The following ZNF532 variants were observed in gnomAD, a reference collection of about 807,000 sequenced individuals.
The protein encoded by ZNF532 is zinc finger protein 532.
In ZNF532, 22 loss-of-function variants were observed where a neutral mutation model predicts 89.3. The observed-to-expected ratio is 0.25, with a 90% CI of 0.18 to 0.35. The LOEUF (loss-of-function observed/expected upper bound fraction) is 0.35. ZNF532 is among the 10% of genes least tolerant of loss of function. The pLI is 1.00. For synonymous variants in ZNF532, 606 were observed against 649.6 expected, an observed-to-expected ratio of 0.93 and a Z score of 1.02; for missense variants, 1,132 against 1,643.4, an observed-to-expected ratio of 0.69 and a Z score of 5.38.
At chr18:58,887,573 T>C (rs926280389) in intron 2 of ZNF532, among the ~76,000 whole-genome samples, 20 of 152,158 alleles carry the variant, frequency 1.3e-4, no homozygotes, top group Non-Finnish European at 2.6e-4. Context: ...TTGGGGTCAG[T>C]TGGGTGGTCT....
At chr18:58,946,058 A>G (rs1396173393) in intron 5 of ZNF532, among the ~76,000 whole-genome samples, 1 of 152,114 alleles carries the variant, frequency 6.6e-6, no homozygotes, top group African/African-American at 2.4e-5. Context: ...CAATTGTCCT[A>G]TGCCAATTAC....
intron 7 of ZNF532, among the ~76,000 whole-genome samples, chr18:58,966,597 T>C (rs1233690123): frequency 6.6e-6 from 1 of 152,132 alleles, no homozygotes; most frequent in East Asian, 1.9e-4. Flanking sequence ...TTTCTAAAAT[T>C]TACTGATTAT....
intron 2 of ZNF532, among the ~76,000 whole-genome samples, chr18:58,893,356 C>A (rs1169603116): frequency 6.6e-6 from 1 of 152,144 alleles, no homozygotes; most frequent in Non-Finnish European, 1.5e-5. Flanking sequence ...TAATAGTTTG[C>A]TTTAGAAATG....
intron 5 of ZNF532, among the ~76,000 whole-genome samples, chr18:58,942,117 A>G (rs1205940710): frequency 3.7e-4 from 54 of 146,638 alleles, no homozygotes; most frequent in Non-Finnish European, 6.6e-4. Context: ...CCACCTCCCG[A>G]GTTCAAGCCA....
chr18:58,926,761 A>G (rs969315536), intron 3 of ZNF532, among the ~76,000 whole-genome samples: 2 of 152,106 alleles, frequency 1.3e-5, no homozygotes, highest in Non-Finnish European at 2.9e-5. Context: ...TAATTTTTAT[A>G]TATTTTTTGT....
chr18:58,916,500 C>T (rs1033725405), intron 2 of ZNF532, among the ~76,000 whole-genome samples: 2 of 152,112 alleles, frequency 1.3e-5, no homozygotes, highest in Non-Finnish European at 2.9e-5. Flanking sequence ...CCTCTGTTTC[C>T]GCAGGCGCCC....
Position 58,918,807 on chromosome 18 carries a change from G to T in ZNF532, c.520G>T (p.Asp174Tyr). ...LTGSAPQQDY[D>Y]KLKALGGENS... ...GGGGTCGGCTCCCCAGCAGGACTAC[G>T]ATAAGCTGAAGGCACTCGGAGGGGA... is the stretch of plus-strand genomic sequence containing the variant. Residue 174 changes from aspartate to tyrosine, a missense_variant, in exon 3 of 10, where the codon GAT becomes TAT. By Grantham distance (160) the Asp-to-Tyr change is radical. Transcript: ENST00000591808. 2 of 1,614,160 alleles carry T rather than the reference G, an allele frequency of 1.2e-6. No homozygotes were observed. The highest frequency in any genetic ancestry group is 1.1e-5 in the South Asian group (1 of 91,082).
At chr18:58,933,667 T>C (rs1011344142) in intron 3 of ZNF532, among the ~76,000 whole-genome samples, 1 of 152,310 alleles carries the variant, frequency 6.6e-6, no homozygotes, top group Middle Eastern at 3.4e-3. Flanking sequence ...TTTAAAAATA[T>C]ACCATGTTTA....
At chr18:58,912,857 C>T (rs1220398146) in intron 2 of ZNF532, among the ~76,000 whole-genome samples, 1 of 152,036 alleles carries the variant, frequency 6.6e-6, no homozygotes, top group Non-Finnish European at 1.5e-5. Context: ...TCTCTCCCAC[C>T]CCTGCCTGCA....
At chr18:58,917,716 A>T (rs1485502789) in intron 2 of ZNF532, among the ~76,000 whole-genome samples, 60 of 150,454 alleles carry the variant, frequency 4.0e-4, no homozygotes, top group East Asian at 9.7e-4. Flanking sequence ...TTTTTTTTTT[A>T]AAAAGTCCCA....
chr18:58,920,942 T>A (rs969305924), intron 3 of ZNF532, among the ~76,000 whole-genome samples: 1 of 151,902 alleles, frequency 6.6e-6, no homozygotes, highest in African/African-American at 2.4e-5. Flanking sequence ...TGGTTGTGGT[T>A]GTGGCAGCAG....
intron 5 of ZNF532, among the ~76,000 whole-genome samples, chr18:58,941,972 C>CTCCCTCTCTCCCTCCT (rs2063103498): frequency 1.5e-5 from 2 of 129,496 alleles, no homozygotes; most frequent in Non-Finnish European, 3.4e-5. Flanking sequence ...CTCTCCCTCC[C>CTCCCTCTCTCCCTCCT]TCCCTCCTTC....
chr18:58,876,098 AT>A (rs972485636), intron 2 of ZNF532, among the ~76,000 whole-genome samples: 4 of 150,956 alleles, frequency 2.6e-5, no homozygotes, highest in African/African-American at 9.7e-5. Context: ...ATGCCCGGCT[AT>A]TTTTTTTGTA....
At chr18:58,898,193 T>C (rs1366274609) in intron 2 of ZNF532, among the ~76,000 whole-genome samples, 1 of 152,208 alleles carries the variant, frequency 6.6e-6, no homozygotes, top group Non-Finnish European at 1.5e-5. Flanking sequence ...GCTGACTGTG[T>C]GTGGTCAGAG....
chr18:58,894,710 C>T (rs1165517842), intron 2 of ZNF532, among the ~76,000 whole-genome samples: 3 of 152,136 alleles, frequency 2.0e-5, no homozygotes, highest in Non-Finnish European at 2.9e-5. Context: ...AGACTTGAAG[C>T]CATCCTCGAT....
At chr18:58,913,241 G>T (rs1196978008) in intron 2 of ZNF532, among the ~76,000 whole-genome samples, 2 of 152,204 alleles carry the variant, frequency 1.3e-5, no homozygotes, top group Non-Finnish European at 2.9e-5. Context: ...ATGATAATGG[G>T]AAGAGCAAGA....
At chr18:58,863,528 G>GGT, upstream of ZNF532, 1 of 1,918 alleles carries the variant, frequency 5.2e-4, no homozygotes, top group Non-Finnish European at 1.3e-3. Context: ...CCGCCGCCCG[G>GGT]CCCGGCGGCG....
intron 3 of ZNF532, among the ~76,000 whole-genome samples, chr18:58,925,888 A>G (rs2061482938): frequency 6.6e-6 from 1 of 152,210 alleles, no homozygotes. Flanking sequence ...TTTGTCAAGT[A>G]TCAGTTAGGC....
intron 2 of ZNF532, among the ~76,000 whole-genome samples, chr18:58,867,622 G>A (rs929311604): frequency 3.3e-5 from 5 of 152,166 alleles, no homozygotes; most frequent in African/African-American, 1.2e-4. Flanking sequence ...TCACCGTGGA[G>A]CCCAGAGCCC....
Sources: allele counts gnomAD v4.1 joint callset (sites outside exome capture counted in the v4.1 genomes callset), GRCh38; gene constraint gnomAD v4.1.1; transcripts MANE v1.5; gene names NCBI Gene and HGNC (gene_info 2026-07-23, HGNC 2026-07-21).